The following INPP5A variants were observed in gnomAD, a reference collection of about 807,000 sequenced individuals.
INPP5A encodes the protein inositol polyphosphate-5-phosphatase A, also known as 43 kDa inositol polyphosphate 5-phophatase.
A neutral mutation model predicts 65.2 loss-of-function variants in INPP5A; 14 were observed. The ratio of observed to expected loss-of-function variants is 0.21; its 90% CI spans 0.14 to 0.34. INPP5A has a LOEUF of 0.34. INPP5A is among the 10% of genes least tolerant of loss of function. The pLI, the probability that INPP5A is intolerant of heterozygous loss-of-function variation, is 1.00. For missense variants in INPP5A, 431 were observed against 545.6 expected, an observed-to-expected ratio of 0.79 and a Z score of 2.09; for synonymous variants, 207 against 208.3, an observed-to-expected ratio of 0.99 and a Z score of 0.05.
rs1030681224 is a variant in INPP5A at position 132,624,668 on chromosome 10, A to G, written c.117+16712A>G. Among the ~76,000 whole-genome samples the G allele has an allele frequency of 5.3e-5, 8 of 152,146 alleles. No homozygotes were observed. In the East Asian group the frequency reaches 1.5e-3, roughly 29 times the overall value. On this transcript the variant is annotated intron_variant, in intron 2 of 15. Coordinates refer to ENST00000368594, the MANE Select transcript of INPP5A (RefSeq NM_005539.5). Reference sequence around the variant, plus strand: ...TGGTCTCTGCCCGTTCAGCACCTCCATACATGCTCAGGACTCCCCACCTTT... The same window carrying G: ...TGGTCTCTGCCCGTTCAGCACCTCCGTACATGCTCAGGACTCCCCACCTTT...
chr10:132,765,466 G>T (rs1846825438), intron 11 of INPP5A, among the ~76,000 whole-genome samples: 1 of 152,232 alleles, frequency 6.6e-6, no homozygotes, highest in Non-Finnish European at 1.5e-5. Flanking sequence ...GCCGAGAGGG[G>T]CTGCTACTGG....
At chr10:132,599,308 A>G (rs928466318) in intron 1 of INPP5A, among the ~76,000 whole-genome samples, 2 of 152,184 alleles carry the variant, frequency 1.3e-5, no homozygotes, top group Non-Finnish European at 2.9e-5. Flanking sequence ...AATGGGAGAA[A>G]TTGGCCAAAA....
At chr10:132,723,254 C>T (rs987528509) in intron 8 of INPP5A, among the ~76,000 whole-genome samples, 2 of 152,220 alleles carry the variant, frequency 1.3e-5, no homozygotes, top group Admixed American at 6.5e-5. Flanking sequence ...TCCTGTGAGG[C>T]GGCACCCCAG....
chr10:132,631,099 G>T (rs564376242), intron 2 of INPP5A, among the ~76,000 whole-genome samples: 1 of 152,116 alleles, frequency 6.6e-6, no homozygotes, highest in Non-Finnish European at 1.5e-5. Flanking sequence ...CCAGCCCCAC[G>T]CAGGGCCAAG....
At chr10:132,714,981 G>A (rs1845715281) in intron 8 of INPP5A, among the ~76,000 whole-genome samples, 1 of 152,214 alleles carries the variant, frequency 6.6e-6, no homozygotes, top group Non-Finnish European at 1.5e-5. Flanking sequence ...CGGCATCTGT[G>A]CTGGGCTGGG....
chr10:132,631,099 G>C (rs564376242), intron 2 of INPP5A, among the ~76,000 whole-genome samples: 21 of 152,234 alleles, frequency 1.4e-4, no homozygotes, highest in African/African-American at 4.8e-4. Flanking sequence ...CCAGCCCCAC[G>C]CAGGGCCAAG....
rs527471122 is a variant in INPP5A, at chr10:132,657,105, A to G, written c.306+6600A>G. ...CCAGAGGCAGGAGGCTGCCTCAGCC[A>G]GGATGGCCCCATGCACTTGCTAAGC... On this transcript the variant is annotated intron_variant, in intron 4 of 15. Transcript: ENST00000368594. Among the ~76,000 whole-genome samples the G allele has an allele frequency of 2.8e-3, 427 of 152,324 alleles. 2 individuals are homozygous for G. The highest frequency in any genetic ancestry group is 9.8e-3 in the African/African-American group (408 of 41,576).
At chr10:132,736,431 C>G (rs1035530576) in intron 9 of INPP5A, among the ~76,000 whole-genome samples, 2 of 152,254 alleles carry the variant, frequency 1.3e-5, no homozygotes, top group African/African-American at 4.8e-5. Flanking sequence ...CAGGTACATG[C>G]TCAGGTGCCA....
Position 132,781,933 on chromosome 10 carries a change from G to GT in INPP5A, c.1232dup (p.Gln412AlafsTer17). 6.2e-7 allele frequency: 1 copy of GT among 1,613,754 alleles called. No individual in the cohort carries two copies. The highest frequency in any genetic ancestry group is 8.5e-7 in the Non-Finnish European group (1 of 1,179,900). On this transcript the variant is annotated frameshift_variant, in exon 15 of 16. Transcript: ENST00000368594. LOFTEE classifies it high-confidence loss of function. Reference sequence around the variant, plus strand: ...TGCCCATGTGCACAAGTGTTGTGTCGTGCAGTGACGTGGTGGTAAATATGA... The same window carrying GT: ...TGCCCATGTGCACAAGTGTTGTGTCGTTGCAGTGACGTGGTGGTAAATATGA...
At chr10:132,756,908 T>C (rs1846631166) in intron 11 of INPP5A, among the ~76,000 whole-genome samples, 1 of 152,198 alleles carries the variant, frequency 6.6e-6, no homozygotes, top group Non-Finnish European at 1.5e-5. Context: ...GGGCCTAGGC[T>C]CATGTCTGTG....
At chr10:132,715,221 C>T (rs1845719637) in intron 8 of INPP5A, among the ~76,000 whole-genome samples, 1 of 152,208 alleles carries the variant, frequency 6.6e-6, no homozygotes, top group African/African-American at 2.4e-5. Context: ...GAGATTTTCC[C>T]ATAAGTGACG....
rs192506595 is a variant in INPP5A at position 132,603,079 on chromosome 10, G to A, written c.76-4836G>A. 1.8e-4 allele frequency among the ~76,000 whole-genome samples: 28 copies of A among 152,282 alleles called. No homozygotes were observed. The highest frequency in any genetic ancestry group is 3.4e-3 in the Middle Eastern group (1 of 294). ...TAAATATTTAACTAGTCCTAGTATT[G>A]CTTGTCAATTAATGCCTCTTCCCTC... is the stretch of plus-strand genomic sequence containing the variant. On this transcript the variant is annotated intron_variant, in intron 1 of 15. Transcript: ENST00000368594. This position sits in a 1 kb window ranked among gnomAD's most constrained non-coding sequence, Gnocchi z 4.2.
rs565309205 is a variant in INPP5A at position 132,697,576 on chromosome 10, G to A, written c.371-240G>A. Among the ~76,000 whole-genome samples, 173 of 152,340 alleles carry A rather than the reference G, an allele frequency of 1.1e-3. No homozygotes were observed. Among genetic ancestry groups the A allele is most frequent in the African/African-American group, 3.9e-3 (163 of 41,582 alleles). On this transcript the variant is annotated intron_variant, in intron 5 of 15. Transcript: ENST00000368594. The surrounding 1 kb of genome is among the most constrained non-coding windows in gnomAD (Gnocchi z 5.6). Reference sequence around the variant, plus strand: ...TAAATCTGCAGTCTGGGAGCTCTCAGGCGATAATGGAGTGGAGTGTCAGAT... The same window carrying A: ...TAAATCTGCAGTCTGGGAGCTCTCAAGCGATAATGGAGTGGAGTGTCAGAT...
At chr10:132,739,342 C>T (rs555662008) in intron 9 of INPP5A, among the ~76,000 whole-genome samples, 106 of 152,370 alleles carry the variant, frequency 7.0e-4, no homozygotes, top group Non-Finnish European at 1.1e-3. Context: ...CAAGTCTGGC[C>T]GGGGTCCCTC....
Position 132,537,957 on chromosome 10 carries a change from C to T in INPP5A, c.-140C>T, listed in dbSNP as rs2070860018. On this transcript the variant is annotated 5_prime_UTR_variant, in exon 1 of 16. Coordinates refer to ENST00000368594, the MANE Select transcript of INPP5A (RefSeq NM_005539.5). ...GCCCCGGCCAGGCCCGGCCGACCCG[C>T]CGAGCCCGCGATGCGCCCCGGGGCC... 1.1e-5 allele frequency: 2 copies of T among 180,770 alleles called. No individual in the cohort carries two copies. Among genetic ancestry groups the T allele is most frequent in the Admixed American group, 1.4e-4 (2 of 14,812 alleles). 11.2% of individuals were successfully genotyped at this position (180,770 alleles called of 1,614,324 possible).
chr10:132,600,670 C>T (rs2071764334), intron 1 of INPP5A, among the ~76,000 whole-genome samples: 1 of 152,228 alleles, frequency 6.6e-6, no homozygotes, highest in African/African-American at 2.4e-5. Flanking sequence ...CCAGTAAAGA[C>T]ATACCTGAGA....
At chr10:132,764,869 G>T (rs1234673196) in intron 11 of INPP5A, among the ~76,000 whole-genome samples, 1 of 141,416 alleles carries the variant, frequency 7.1e-6, no homozygotes, top group African/African-American at 2.7e-5. Context: ...TCCTGCTGTG[G>T]TGGGAGGGTG....
At chr10:132,722,808 T>C (rs564106245) in intron 8 of INPP5A, among the ~76,000 whole-genome samples, 2 of 152,356 alleles carry the variant, frequency 1.3e-5, no homozygotes, top group South Asian at 4.1e-4. Context: ...ATGGCTCTTC[T>C]TGTAATTCTC....
At chr10:132,730,728 G>C (rs1465212174) in intron 9 of INPP5A, among the ~76,000 whole-genome samples, 1 of 152,204 alleles carries the variant, frequency 6.6e-6, no homozygotes, top group Non-Finnish European at 1.5e-5. Flanking sequence ...GGGCCTGGCT[G>C]ACCCAGGTGG....
Sources: allele counts gnomAD v4.1 joint callset (sites outside exome capture counted in the v4.1 genomes callset), GRCh38; gene constraint gnomAD v4.1.1; non-coding constraint Gnocchi (gnomAD v3.1); transcripts MANE v1.5; gene names NCBI Gene and HGNC (gene_info 2026-07-23, HGNC 2026-07-21).